Variants in DACH1 observed in about 807,000 individuals in gnomAD.
DACH1 encodes the protein dachshund family transcription factor 1.
In DACH1, 12 loss-of-function variants were observed where a neutral mutation model predicts 54.2. The observed-to-expected ratio is 0.22, with a 90% CI of 0.14 to 0.36. The LOEUF (loss-of-function observed/expected upper bound fraction) is 0.36. Among genes scored for constraint, DACH1 ranks in the 10% least tolerant of loss-of-function variants. The pLI, the probability that DACH1 is intolerant of heterozygous loss-of-function variation, is 1.00. For synonymous variants in DACH1, 386 were observed against 366.2 expected (o/e 1.05, Z -0.62); for missense variants, 805 against 929.8 (o/e 0.87, Z 1.75).
intron 1 of DACH1, among the ~76,000 whole-genome samples, chr13:71,776,044 T>A (rs1160775272): frequency 6.6e-6 from 1 of 152,148 alleles, no homozygotes; most frequent in East Asian, 1.9e-4. Flanking sequence ...AGTTTGATTG[T>A]TATCAAAAGT....
chr13:71,454,046 A>C (rs1875320728), intron 10 of DACH1, among the ~76,000 whole-genome samples: 1 of 94,486 alleles, frequency 1.1e-5, no homozygotes, highest in South Asian at 6.1e-4. Context: ...ATTAAAAAGA[A>C]TGACTAGCAA....
intron 6 of DACH1, among the ~76,000 whole-genome samples, chr13:71,554,163 G>A (rs745964854): frequency 1.8e-4 from 28 of 151,924 alleles, no homozygotes; most frequent in African/African-American, 2.9e-4. Context: ...TTTTAATTTC[G>A]TAGTTTCTAT....
intron 6 of DACH1, among the ~76,000 whole-genome samples, chr13:71,543,176 GGGATCTGAA>G (rs1308872480): frequency 4.6e-5 from 7 of 152,102 alleles, no homozygotes; most frequent in Non-Finnish European, 1.5e-5. Context: ...TATGTTTATT[GGGATCTGAA>G]GGACTTAGGT....
intron 3 of DACH1, among the ~76,000 whole-genome samples, chr13:71,599,897 G>A (rs1280401356): frequency 6.6e-6 from 1 of 151,518 alleles, no homozygotes; most frequent in Non-Finnish European, 1.5e-5. Flanking sequence ...TATAATGTGA[G>A]ATGCCTCTGA....
chr13:71,499,528 T>C (rs1879736864), intron 6 of DACH1, among the ~76,000 whole-genome samples: 1 of 152,138 alleles, frequency 6.6e-6, no homozygotes, highest in East Asian at 1.9e-4. Context: ...TAAGGGACTG[T>C]TTGCCTGTTA....
intron 1 of DACH1, among the ~76,000 whole-genome samples, chr13:71,828,200 AT>A (rs1011619022): frequency 3.9e-4 from 59 of 152,082 alleles, no homozygotes; most frequent in African/African-American, 1.4e-3. Flanking sequence ...AGGGACATTT[AT>A]TTTTTGCACT....
chr13:71,746,818 A>C (rs978583845), intron 1 of DACH1, among the ~76,000 whole-genome samples: 1 of 152,180 alleles, frequency 6.6e-6, no homozygotes, highest in African/African-American at 2.4e-5. Flanking sequence ...CACTAAGTAT[A>C]AGTCAAAGCT....
At chr13:71,605,330 G>C (rs56900762) in intron 3 of DACH1, among the ~76,000 whole-genome samples, 1 of 151,636 alleles carries the variant, frequency 6.6e-6, no homozygotes, top group African/African-American at 2.4e-5. Context: ...CTAATGTATT[G>C]TAATATGATA....
At chr13:71,723,246 T>TAAAAAA (rs112775403) in intron 1 of DACH1, among the ~76,000 whole-genome samples, 1 of 133,516 alleles carries the variant, frequency 7.5e-6, no homozygotes. Flanking sequence ...CTACACAAAT[T>TAAAAAA]AAAAAAAAAA....
intron 1 of DACH1, among the ~76,000 whole-genome samples, chr13:71,861,907 CAAA>C (rs71126514): frequency 3.5e-5 from 3 of 86,484 alleles, no homozygotes; most frequent in Non-Finnish European, 4.8e-5. Flanking sequence ...AACTCCTAAC[CAAA>C]AAAAAAAAAA....
intron 2 of DACH1, among the ~76,000 whole-genome samples, chr13:71,634,587 C>A (rs1427183663): frequency 1.3e-5 from 2 of 152,196 alleles, no homozygotes; most frequent in African/African-American, 4.8e-5. Context: ...GCGCTCAGAG[C>A]TGGAGGCTCA....
At chr13:71,459,384 A>G (rs576245604) in intron 10 of DACH1, among the ~76,000 whole-genome samples, 42 of 152,088 alleles carry the variant, frequency 2.8e-4, no homozygotes, top group Admixed American at 9.2e-4. Flanking sequence ...TGAAGATTTT[A>G]TAACAGTTGT....
intron 1 of DACH1, among the ~76,000 whole-genome samples, chr13:71,796,975 A>T (rs900305451): frequency 6.6e-6 from 1 of 151,650 alleles, no homozygotes; most frequent in Non-Finnish European, 1.5e-5. Context: ...TATTAATATT[A>T]TATTTCTTTG....
rs1239631833 is a variant in DACH1 at position 71,566,047 on chromosome 13, G to GA, written c.1300-6093dup. The stretch of plus-strand genomic sequence containing the variant: ...ATAGAGATGAAGGAAGAACAGCAAG[G>GA]AAAAAAAGGTAAGTGCTGATTTGAC... On this transcript the variant is annotated intron_variant, in intron 4 of 10. Transcript: ENST00000613252. 1.1e-4 allele frequency among the ~76,000 whole-genome samples: 16 copies of GA among 152,078 alleles called. No individual in the cohort carries two copies. The East Asian group carries it at 2.9e-3, about 28-fold the overall frequency.
chr13:71,646,946 T>C (rs61957857), intron 2 of DACH1, among the ~76,000 whole-genome samples: 2,002 of 152,320 alleles, frequency 0.013, 18 homozygotes, highest in Middle Eastern at 0.068. Context: ...CTCAGGTGTC[T>C]TGTAAAAATT....
At chr13:71,602,352 C>T (rs1874556031) in intron 3 of DACH1, among the ~76,000 whole-genome samples, 1 of 151,974 alleles carries the variant, frequency 6.6e-6, no homozygotes, top group Non-Finnish European at 1.5e-5. Flanking sequence ...TGTGTGTTTT[C>T]TTTAATTACA....
intron 7 of DACH1, among the ~76,000 whole-genome samples, chr13:71,479,902 T>G (rs1451883557): frequency 2.0e-5 from 3 of 152,132 alleles, no homozygotes; most frequent in African/African-American, 7.2e-5. Flanking sequence ...CACACCCTCA[T>G]TTCATTTCAT....
chr13:71,805,912 A>G (rs1481300383), intron 1 of DACH1, among the ~76,000 whole-genome samples: 4 of 151,986 alleles, frequency 2.6e-5, no homozygotes, highest in Non-Finnish European at 2.9e-5. Flanking sequence ...GGTTCAAACG[A>G]TTCTCCTGCC....
rs565776006 is a variant in DACH1, at chr13:71,754,266, GCTCTGGATATAGATACTCCCAATTAATAT to G, written c.849-72385_849-72357del. 2.2e-4 allele frequency among the ~76,000 whole-genome samples: 33 copies of G among 152,250 alleles called. No individual in the cohort carries two copies. In the East Asian group the frequency reaches 5.6e-3, roughly 26 times the overall value. On this transcript the variant is annotated intron_variant, in intron 1 of 10. Coordinates refer to ENST00000613252, the MANE Select transcript of DACH1 (RefSeq NM_080759.6). ...CATTTCCCTTCTGGCATCGCCCATG[GCTCTGGATATAGATACTCCCAATTAATAT>G]CTCTAAAAATATGAGATATGCTTCC...
Sources: allele counts gnomAD v4.1 joint callset (sites outside exome capture counted in the v4.1 genomes callset), GRCh38; gene constraint gnomAD v4.1.1; transcripts MANE v1.5; gene names NCBI Gene and HGNC (gene_info 2026-07-23, HGNC 2026-07-21).